DNAH14: variants seen among roughly 807,000 people sequenced by gnomAD.
DNAH14 encodes dynein axonemal heavy chain 14.
A neutral mutation model predicts 520.9 loss-of-function variants in DNAH14; 478 were observed. The observed-to-expected ratio is 0.92, with a 90% confidence interval of 0.85 to 0.99. The LOEUF (loss-of-function observed/expected upper bound fraction) is 0.99. DNAH14 is among the 50% of genes least tolerant of loss of function. The probability of loss-of-function intolerance (pLI) is 0.00; values close to 1 mark genes in which losing one functional copy is unlikely to be tolerated. For missense variants in DNAH14, 4,831 were observed against 5,234.5 expected, an observed-to-expected ratio of 0.92 and a Z score of 2.38; for synonymous variants, 1,581 against 1,757.2, an observed-to-expected ratio of 0.90 and a Z score of 2.51.
At chr1:225,272,839 C>A in intron 51 of DNAH14, 116 bp from the exon 52 acceptor site, 1 of 1,015,792 alleles carries the variant, frequency 9.8e-7, no homozygotes, top group Non-Finnish European at 1.4e-6. Flanking sequence ...ACAATTCTTA[C>A]CTTGGATAAT....
chr1:225,194,670 T>C (rs996288537), intron 38 of DNAH14, among the ~76,000 whole-genome samples: 1 of 152,074 alleles, frequency 6.6e-6, no homozygotes, highest in Non-Finnish European at 1.5e-5. Context: ...AATTGATAAT[T>C]GGGACCTAAT....
chr1:224,992,241 G>T (rs1026418765), intron 8 of DNAH14, among the ~76,000 whole-genome samples: 1 of 151,890 alleles, frequency 6.6e-6, no homozygotes, highest in Non-Finnish European at 1.5e-5. Context: ...GGTTTCATAC[G>T]AATTTTAAGA....
At chr1:225,272,181 GT>G in intron 51 of DNAH14, 108 bp downstream of exon 51, 1 of 1,164,418 alleles carries the variant, frequency 8.6e-7, no homozygotes, top group South Asian at 1.6e-5. Context: ...ATGAATGTTG[GT>G]TAGTTTTGCT....
chr1:225,036,415 C>T (rs983977026), intron 11 of DNAH14, among the ~76,000 whole-genome samples: 1 of 151,968 alleles, frequency 6.6e-6, no homozygotes, highest in Admixed American at 6.6e-5. Flanking sequence ...GATTACAGGC[C>T]TAAGCCACCA....
chr1:225,081,521 C>T (rs777050404), intron 19 of DNAH14, among the ~76,000 whole-genome samples: 12 of 152,148 alleles, frequency 7.9e-5, no homozygotes, highest in Admixed American at 2.6e-4. Flanking sequence ...AACAACTAGA[C>T]GACACCTTCT....
chr1:225,276,119 A>G (rs2093462260), intron 53 of DNAH14, 38 bp downstream of exon 53: 1 of 191,742 alleles, frequency 5.2e-6, no homozygotes, highest in Non-Finnish European at 1.2e-5. Flanking sequence ...GAGGAGTGCT[A>G]TATATGTATA....
chr1:225,062,705 C>G (rs1395269015), intron 17 of DNAH14, among the ~76,000 whole-genome samples: 2 of 152,126 alleles, frequency 1.3e-5, no homozygotes, highest in African/African-American at 2.4e-5. Flanking sequence ...AGTGGAGGGT[C>G]TCAACAATTA....
chr1:225,270,594 T>C (rs1304575406), intron 49 of DNAH14, 141 bp from the exon 50 acceptor site: 6 of 626,122 alleles, frequency 9.6e-6, no homozygotes, highest in Non-Finnish European at 1.5e-5. Context: ...ACTGTAATCT[T>C]TGTTTTTGCA....
chr1:225,242,269 G>T (rs1022362773), intron 43 of DNAH14, among the ~76,000 whole-genome samples: 2 of 151,662 alleles, frequency 1.3e-5, no homozygotes, highest in African/African-American at 4.8e-5. Context: ...AATAACCTTA[G>T]CTTACTATAA....
intron 21 of DNAH14, among the ~76,000 whole-genome samples, chr1:225,086,347 G>A (rs1458767397): frequency 6.6e-6 from 1 of 151,784 alleles, no homozygotes; most frequent in Non-Finnish European, 1.5e-5. Context: ...TGTTAGCCAG[G>A]ATGGTCTCGA....
chr1:225,089,655 G>C (rs1027393842), intron 21 of DNAH14, among the ~76,000 whole-genome samples: 1 of 151,994 alleles, frequency 6.6e-6, no homozygotes, highest in Non-Finnish European at 1.5e-5. Flanking sequence ...ATTAATTTGA[G>C]AAATGCAAGG....
At position 225,159,514 on chromosome 1, in the gene DNAH14, A is replaced by G. The variant is rs140155519; in HGVS notation, c.5445+29A>G. On this transcript the variant is annotated intron_variant, in intron 35 of 85. Coordinates refer to ENST00000682510, the MANE Select transcript of DNAH14 (RefSeq NM_001367479.1). Reference sequence around the variant, plus strand: ...AAAAGACCTTTGAAAATCATCACCAATTATTTGGATGTGGAATATCAATTA... The same window carrying G: ...AAAAGACCTTTGAAAATCATCACCAGTTATTTGGATGTGGAATATCAATTA... 1,302 of 1,478,396 alleles carry G rather than the reference A, an allele frequency of 8.8e-4. 8 individuals are homozygous for G. The African/African-American group carries it at 0.017, about 19-fold the overall frequency. 91.6% of individuals were successfully genotyped at this position (1,478,396 alleles called of 1,614,324 possible). A position where few individuals can be genotyped will look rare whatever the true frequency, so the allele number is the denominator to read the frequency against.
intron 48 of DNAH14, among the ~76,000 whole-genome samples, chr1:225,266,426 T>G (rs1010088679): frequency 1.3e-5 from 2 of 152,196 alleles, no homozygotes; most frequent in Non-Finnish European, 2.9e-5. Context: ...TCTGCTATTT[T>G]GAAAACTTAC....
chr1:225,036,705 C>G (rs534779968), intron 11 of DNAH14, among the ~76,000 whole-genome samples: 1 of 152,114 alleles, frequency 6.6e-6, no homozygotes, highest in Non-Finnish European at 1.5e-5. Flanking sequence ...GAGACTTTCC[C>G]TTCACTTCCC....
chr1:225,281,568 A>G (rs528606141), intron 54 of DNAH14, among the ~76,000 whole-genome samples: 2 of 152,290 alleles, frequency 1.3e-5, no homozygotes, highest in Admixed American at 6.5e-5. Flanking sequence ...CAGATGCATT[A>G]TTCTGCCTAC....
intron 66 of DNAH14, among the ~76,000 whole-genome samples, chr1:225,335,752 T>C (rs1181954339): frequency 1.2e-5 from 1 of 81,746 alleles, no homozygotes; most frequent in African/African-American, 6.4e-5. Context: ...TATATACGCA[T>C]ATATACATAC....
intron 8 of DNAH14, among the ~76,000 whole-genome samples, chr1:224,984,317 G>C (rs916954762): frequency 1.3e-5 from 2 of 152,150 alleles, no homozygotes; most frequent in Non-Finnish European, 2.9e-5. Flanking sequence ...AACAAATGGT[G>C]CTGGGATAAT....
intron 11 of DNAH14, among the ~76,000 whole-genome samples, chr1:225,036,257 T>A (rs1388000369): frequency 1.3e-5 from 2 of 152,154 alleles, no homozygotes; most frequent in African/African-American, 2.4e-5. Flanking sequence ...TGCCTCAGCC[T>A]CCCAAATAGC....
chr1:224,967,363 C>A, intron 5 of DNAH14, 68 bp from the exon 6 acceptor site: 1 of 1,140,062 alleles, frequency 8.8e-7, no homozygotes, highest in East Asian at 2.8e-5. Context: ...TCTGTTCACC[C>A]ATTGTATTAA....
Sources: gnomAD v4.1 joint callset for allele counts (sites outside exome capture counted in the v4.1 genomes callset) on GRCh38, gnomAD v4.1.1 for gene constraint, MANE v1.5 for transcripts, NCBI Gene and HGNC (gene_info 2026-07-23, HGNC 2026-07-21) for gene names.